NOL4: variants seen among roughly 807,000 people sequenced by gnomAD.
The protein encoded by NOL4 is cancer/testis antigen 125.
Under a neutral mutation model 75.9 loss-of-function variants are expected in NOL4, and 17 were observed. That is an observed-to-expected ratio of 0.22 (90% CI 0.15 to 0.34). The LOEUF (loss-of-function observed/expected upper bound fraction) is 0.34. NOL4 is among the 10% of genes least tolerant of loss of function. The probability of loss-of-function intolerance (pLI) is 1.00; values close to 1 mark genes in which losing one functional copy is unlikely to be tolerated. For synonymous variants in NOL4, 292 were observed against 289.9 expected (o/e 1.01, Z -0.07); for missense variants, 614 against 793.5 (o/e 0.77, Z 2.72).
chr18:34,134,704 C>T (rs1358098518), intron 1 of NOL4, among the ~76,000 whole-genome samples: 2 of 151,874 alleles, frequency 1.3e-5, no homozygotes, highest in Non-Finnish European at 2.9e-5. Context: ...TCATGAGAGA[C>T]CTCATGCTAT....
intron 5 of NOL4, among the ~76,000 whole-genome samples, chr18:34,061,117 A>G (rs1181984385): frequency 6.6e-6 from 1 of 152,202 alleles, no homozygotes; most frequent in Non-Finnish European, 1.5e-5. Context: ...AAACAAAAAC[A>G]GCCTTATATT....
chr18:33,908,199 A>T (rs558544926), intron 9 of NOL4, among the ~76,000 whole-genome samples: 12 of 152,354 alleles, frequency 7.9e-5, no homozygotes, highest in African/African-American at 2.9e-4. Context: ...ACTTAAGAAA[A>T]TTAGGCTCAA....
At chr18:33,965,712 A>T (rs369891988) in intron 6 of NOL4, among the ~76,000 whole-genome samples, 54 of 152,110 alleles carry the variant, frequency 3.6e-4, no homozygotes, top group African/African-American at 1.3e-3. Flanking sequence ...GTGAAGAAGG[A>T]TGTGTTTTCT....
At chr18:34,072,506 A>G (rs1173310818) in intron 5 of NOL4, among the ~76,000 whole-genome samples, 1 of 152,220 alleles carries the variant, frequency 6.6e-6, no homozygotes, top group East Asian at 1.9e-4. Flanking sequence ...GTAGTTTGAG[A>G]TTTTAACATG....
intron 4 of NOL4, among the ~76,000 whole-genome samples, chr18:34,096,235 A>T (rs1301827750): frequency 6.6e-6 from 1 of 152,058 alleles, no homozygotes; most frequent in Admixed American, 6.6e-5. Context: ...TTACCATCAT[A>T]AGTGGCTTAA....
intron 10 of NOL4, among the ~76,000 whole-genome samples, chr18:33,859,937 G>T (rs1032122224): frequency 6.6e-6 from 1 of 151,916 alleles, no homozygotes; most frequent in Admixed American, 6.6e-5. Flanking sequence ...TAAATAAAAT[G>T]AAAATAAATA....
chr18:33,861,228 C>T (rs530404009), intron 10 of NOL4, among the ~76,000 whole-genome samples: 2 of 152,110 alleles, frequency 1.3e-5, no homozygotes, highest in African/African-American at 4.8e-5. Flanking sequence ...CCTCCTTGTA[C>T]CTCTGGTAGA....
intron 6 of NOL4, among the ~76,000 whole-genome samples, chr18:34,015,639 C>T (rs1260392804): frequency 6.6e-6 from 1 of 152,018 alleles, no homozygotes; most frequent in South Asian, 2.1e-4. Context: ...TTATCAACCA[C>T]CACAGCTTCA....
intron 10 of NOL4, among the ~76,000 whole-genome samples, chr18:33,878,204 C>A (rs991810532): frequency 3.1e-4 from 47 of 152,234 alleles, no homozygotes; most frequent in African/African-American, 9.4e-4. Context: ...ACAAAACTTT[C>A]TTTTGGATTT....
chr18:33,989,088 G>A (rs1295354353), intron 6 of NOL4, among the ~76,000 whole-genome samples: 1 of 149,110 alleles, frequency 6.7e-6, no homozygotes, highest in African/African-American at 2.5e-5. Context: ...TTGGGAGGCT[G>A]AGGTGGGGAG....
chr18:34,213,263 G>A (rs1424157862), intron 1 of NOL4, among the ~76,000 whole-genome samples: 1 of 152,084 alleles, frequency 6.6e-6, no homozygotes, highest in African/African-American at 2.4e-5. Context: ...ATTAGGTCCT[G>A]AGGGCTCTGT....
At chr18:34,173,989 GATTA>G (rs1189812444) in intron 1 of NOL4, among the ~76,000 whole-genome samples, 7 of 152,062 alleles carry the variant, frequency 4.6e-5, no homozygotes, top group South Asian at 2.1e-4. Flanking sequence ...TCATGATTCT[GATTA>G]ATTATTTCAA....
At chr18:33,919,025 T>C (rs2066885324) in intron 9 of NOL4, among the ~76,000 whole-genome samples, 1 of 152,174 alleles carries the variant, frequency 6.6e-6, no homozygotes, top group Admixed American at 6.5e-5. Flanking sequence ...ATACCTTTTA[T>C]TTTTATGTAT....
intron 6 of NOL4, among the ~76,000 whole-genome samples, chr18:34,000,367 C>T (rs772723586): frequency 4.6e-5 from 7 of 152,000 alleles, no homozygotes; most frequent in East Asian, 3.9e-4. Flanking sequence ...TACTATACCA[C>T]GATTCAACAC....
intron 6 of NOL4, among the ~76,000 whole-genome samples, chr18:33,990,241 G>A (rs1335710974): frequency 1.3e-5 from 2 of 151,806 alleles, no homozygotes; most frequent in African/African-American, 4.8e-5. Flanking sequence ...CTATTTTTTT[G>A]TATCTCACAT....
At chr18:34,203,258 T>TAGGAACAGGGGTCATGGCAGGATGA (rs2035863213) in intron 1 of NOL4, among the ~76,000 whole-genome samples, 2 of 151,964 alleles carry the variant, frequency 1.3e-5, no homozygotes, top group Non-Finnish European at 2.9e-5. Flanking sequence ...GATCAGTGGT[T>TAGGAACAGGGGTCATGGCAGGATGA]AGGAACAGGG....
At chr18:34,158,861 C>T (rs1189330927) in intron 1 of NOL4, among the ~76,000 whole-genome samples, 1 of 152,158 alleles carries the variant, frequency 6.6e-6, no homozygotes, top group African/African-American at 2.4e-5. Flanking sequence ...TAAAAGGAAG[C>T]GTTTTCCATC....
intron 10 of NOL4, among the ~76,000 whole-genome samples, chr18:33,854,649 AG>A: frequency 1.3e-5 from 2 of 151,950 alleles, no homozygotes; most frequent in Middle Eastern, 6.8e-3. Flanking sequence ...TTTATATTTA[AG>A]AAGCCCAGTA....
At chr18:34,189,390 C>A (rs2034740431) in intron 1 of NOL4, among the ~76,000 whole-genome samples, 1 of 152,162 alleles carries the variant, frequency 6.6e-6, no homozygotes, top group Non-Finnish European at 1.5e-5. Context: ...GGCCCCACCT[C>A]TGAACACTGC....
Sources: gnomAD v4.1 joint callset for allele counts (sites outside exome capture counted in the v4.1 genomes callset) on GRCh38, gnomAD v4.1.1 for gene constraint, MANE v1.5 for transcripts, NCBI Gene and HGNC (gene_info 2026-07-23, HGNC 2026-07-21) for gene names.